XKR4: variants seen among roughly 807,000 people sequenced by gnomAD.
XKR4 encodes XK related 4.
XKR4 carries 12 observed loss-of-function variants against 53.9 expected under a neutral mutation model. That is an observed-to-expected ratio of 0.22 (90% CI 0.14 to 0.36). XKR4 has a LOEUF of 0.36. XKR4 is among the 10% of genes least tolerant of loss of function. The pLI, the probability that XKR4 is intolerant of heterozygous loss-of-function variation, is 1.00. For synonymous variants in XKR4, 354 were observed against 362.4 expected, an observed-to-expected ratio of 0.98 and a Z score of 0.26; for missense variants, 799 against 859.5, an observed-to-expected ratio of 0.93 and a Z score of 0.88.
At chr8:55,353,841 AAG>A (rs1002308989) in intron 1 of XKR4, among the ~76,000 whole-genome samples, 17 of 152,164 alleles carry the variant, frequency 1.1e-4, no homozygotes, top group African/African-American at 3.4e-4. Flanking sequence ...CGGTGGGAGA[AAG>A]AGATCTGCCC....
chr8:55,412,752 C>T (rs1416705400), intron 2 of XKR4, among the ~76,000 whole-genome samples: 2 of 152,248 alleles, frequency 1.3e-5, no homozygotes, highest in African/African-American at 4.8e-5. Flanking sequence ...ACACTCTGAG[C>T]TGCTCTCACG....
intron 2 of XKR4, among the ~76,000 whole-genome samples, chr8:55,459,306 A>G (rs756733064): frequency 2.5e-4 from 38 of 152,252 alleles, no homozygotes; most frequent in Non-Finnish European, 3.4e-4. Context: ...AATGTAAGTA[A>G]GAGCTAAAAC....
chr8:55,291,630 T>C (rs1446977757), intron 1 of XKR4, among the ~76,000 whole-genome samples: 1 of 152,208 alleles, frequency 6.6e-6, no homozygotes, highest in South Asian at 2.1e-4. Flanking sequence ...TAAGAGGTAA[T>C]AATGTTAGTC....
At chr8:55,319,599 C>A (rs528789174) in intron 1 of XKR4, among the ~76,000 whole-genome samples, 5 of 152,270 alleles carry the variant, frequency 3.3e-5, no homozygotes, top group Non-Finnish European at 7.4e-5. Flanking sequence ...ATGTTGCAAT[C>A]TTGTTTCTGG....
At chr8:55,367,005 T>C (rs1284672699) in intron 2 of XKR4, among the ~76,000 whole-genome samples, 1 of 152,182 alleles carries the variant, frequency 6.6e-6, no homozygotes, top group Non-Finnish European at 1.5e-5. Flanking sequence ...TCCTCTGTTT[T>C]TGTTTCCTAA....
At chr8:55,359,730 G>C (rs1303110507) in intron 2 of XKR4, among the ~76,000 whole-genome samples, 2 of 152,064 alleles carry the variant, frequency 1.3e-5, no homozygotes, top group Non-Finnish European at 2.9e-5. Context: ...GATAGAGAAG[G>C]GAAGGTGAGA....
At chr8:55,296,989 G>A (rs1252180583) in intron 1 of XKR4, among the ~76,000 whole-genome samples, 1 of 152,084 alleles carries the variant, frequency 6.6e-6, no homozygotes, top group Non-Finnish European at 1.5e-5. Flanking sequence ...TAACGATTGA[G>A]GGTCTCTATT....
intron 1 of XKR4, among the ~76,000 whole-genome samples, chr8:55,144,707 G>C (rs1402814241): frequency 6.6e-6 from 1 of 152,010 alleles, no homozygotes; most frequent in Admixed American, 6.6e-5. Flanking sequence ...CTGCCTGTTT[G>C]AGCTCTGCCC....
intron 2 of XKR4, among the ~76,000 whole-genome samples, chr8:55,393,815 A>G (rs886608177): frequency 3.3e-5 from 5 of 152,336 alleles, no homozygotes; most frequent in East Asian, 1.9e-4. Flanking sequence ...AGCACTACCC[A>G]TAAAACATAA....
At chr8:55,421,839 G>C (rs1037668115) in intron 2 of XKR4, among the ~76,000 whole-genome samples, 1 of 152,204 alleles carries the variant, frequency 6.6e-6, no homozygotes, top group African/African-American at 2.4e-5. Flanking sequence ...GAAAGAATGA[G>C]ACACTAGGGA....
intron 1 of XKR4, among the ~76,000 whole-genome samples, chr8:55,286,518 A>G (rs4330670): frequency 0.94 from 143,105 of 152,230 alleles, 67,345 homozygotes; most frequent in Non-Finnish European, 0.95. Context: ...GGGCATGCAT[A>G]TTGTTTTTTG....
intron 2 of XKR4, among the ~76,000 whole-genome samples, chr8:55,483,871 G>C (rs1236850402): frequency 1.3e-5 from 2 of 151,690 alleles, no homozygotes; most frequent in Admixed American, 1.3e-4. Context: ...GAAAAATAGA[G>C]AAAATGAAAT....
chr8:55,197,918 G>C (rs1441652716), intron 1 of XKR4, among the ~76,000 whole-genome samples: 2 of 152,158 alleles, frequency 1.3e-5, no homozygotes, highest in Non-Finnish European at 2.9e-5. Flanking sequence ...AATTTTCACT[G>C]AAGTTGTGCC....
intron 2 of XKR4, among the ~76,000 whole-genome samples, chr8:55,439,460 G>C (rs1214464893): frequency 1.3e-5 from 2 of 152,148 alleles, no homozygotes; most frequent in African/African-American, 4.8e-5. Flanking sequence ...GGATCTATTA[G>C]ATTCAAATAT....
intron 1 of XKR4, among the ~76,000 whole-genome samples, chr8:55,304,862 C>T (rs1819269075): frequency 6.6e-6 from 1 of 152,106 alleles, no homozygotes; most frequent in Admixed American, 6.6e-5. Context: ...GCTCTTCCTC[C>T]ATCCCTTTAT....
At chr8:55,506,098 G>T (rs181066508) in intron 2 of XKR4, among the ~76,000 whole-genome samples, 191 of 152,350 alleles carry the variant, frequency 1.3e-3, no homozygotes, top group African/African-American at 4.2e-3. Context: ...GACAGAATGA[G>T]ATTCCCCTTG....
intron 2 of XKR4, among the ~76,000 whole-genome samples, chr8:55,367,874 C>T (rs2040073543): frequency 6.6e-6 from 1 of 152,168 alleles, no homozygotes; most frequent in African/African-American, 2.4e-5. Context: ...TTACCCTTCT[C>T]CAGTGAACTG....
In XKR4 at chr8:55,289,175, A is replaced by G. The variant is rs1818947339; in HGVS notation, c.807-68503A>G. On this transcript the variant is annotated intron_variant, in intron 1 of 2. Transcript: ENST00000327381. ...TTTTATTTCTCTGGGACACCTTCCT[A>G]AGAGTGCTATGGCTAGGTTAAATGG... Among the ~76,000 whole-genome samples the G allele has an allele frequency of 2.6e-5, 4 of 152,256 alleles. No homozygotes were observed. The South Asian group carries it at 8.3e-4, about 32-fold the overall frequency.
chr8:55,332,089 T>C (rs767195824), intron 1 of XKR4, among the ~76,000 whole-genome samples: 2 of 152,112 alleles, frequency 1.3e-5, no homozygotes, highest in African/African-American at 2.4e-5. Context: ...ACCTTCTCGT[T>C]TCCTTTTGTG....
Sources: gnomAD v4.1 joint callset for allele counts (sites outside exome capture counted in the v4.1 genomes callset) on GRCh38, gnomAD v4.1.1 for gene constraint, MANE v1.5 for transcripts, NCBI Gene and HGNC (gene_info 2026-07-23, HGNC 2026-07-21) for gene names.